RADX: variants seen among roughly 807,000 people sequenced by gnomAD.
RADX encodes RPA-related protein RADX.
A neutral mutation model predicts 61.6 loss-of-function variants in RADX; 36 were observed. The observed-to-expected ratio is 0.58, with a 90% CI of 0.45 to 0.77. The LOEUF is 0.77. RADX is among the 30% of genes least tolerant of loss of function. RADX has a pLI of 0.00. For missense variants in RADX, 497 were observed against 651.1 expected (o/e 0.76, Z 2.58); for synonymous variants, 272 against 237.9 (o/e 1.14, Z -1.32).
At chrX:106,644,224 ATTAT>A (rs1486625181) in intron 10 of RADX, among the ~76,000 whole-genome samples, 1 of 111,185 alleles carries the variant, frequency 9.0e-6, no homozygotes, top group African/African-American at 3.3e-5. Flanking sequence ...GCAAACAAGG[ATTAT>A]TTGACTTCTT....
At chrX:106,639,136 G>A (rs1927441276) in intron 8 of RADX, among the ~76,000 whole-genome samples, 1 of 111,656 alleles carries the variant, frequency 9.0e-6, no homozygotes, top group African/African-American at 3.3e-5. Context: ...TTAAAATGCG[G>A]ACCTATCATC....
chrX:106,648,049 A>G (rs1428836759), intron 10 of RADX, among the ~76,000 whole-genome samples: 1 of 111,271 alleles, frequency 9.0e-6, no homozygotes, highest in Non-Finnish European at 1.9e-5. Flanking sequence ...TAAAAATATT[A>G]TCTTCAGTTA....
intron 3 of RADX, among the ~76,000 whole-genome samples, chrX:106,629,176 G>C (rs1481133999): frequency 9.0e-6 from 1 of 111,552 alleles, no homozygotes; most frequent in East Asian, 2.8e-4. Context: ...ATAGCAACAA[G>C]AATTTTTGAT....
intron 10 of RADX, among the ~76,000 whole-genome samples, chrX:106,646,096 C>T (rs183888075): frequency 3.5e-4 from 39 of 110,483 alleles, no homozygotes; most frequent in East Asian, 1.4e-3. Flanking sequence ...GTCTCGAAAT[C>T]GATTTTGTCT....
intron 10 of RADX, among the ~76,000 whole-genome samples, chrX:106,641,228 C>T (rs1191068597): frequency 9.1e-6 from 1 of 110,314 alleles, no homozygotes; most frequent in Non-Finnish European, 1.9e-5. Flanking sequence ...GTTAGGACTT[C>T]ATCATATGAA....
chrX:106,637,152 C>G (rs1032004531), intron 7 of RADX, among the ~76,000 whole-genome samples: 1 of 111,193 alleles, frequency 9.0e-6, no homozygotes, highest in Non-Finnish European at 1.9e-5. Context: ...TAAAGAAAAA[C>G]GTTTCCAAAT....
At chrX:106,617,487 C>T (rs1473941586) in intron 1 of RADX, among the ~76,000 whole-genome samples, 1 of 111,910 alleles carries the variant, frequency 8.9e-6, no homozygotes, top group East Asian at 2.8e-4. Context: ...TGGCTTCTCT[C>T]TATGATGATA....
At chrX:106,613,959 CTATT>C (rs770272510) in intron 1 of RADX, among the ~76,000 whole-genome samples, 3 of 111,740 alleles carry the variant, frequency 2.7e-5, no homozygotes, top group Admixed American at 1.9e-4. Context: ...GTCGTAATAT[CTATT>C]CATTCATTAA....
intron 1 of RADX, among the ~76,000 whole-genome samples, chrX:106,618,718 C>T (rs944245932): frequency 5.3e-4 from 59 of 110,640 alleles, no homozygotes; most frequent in African/African-American, 1.8e-3. Flanking sequence ...TCGGGGGAGC[C>T]TGAGTCCGGG....
At chrX:106,648,407 AT>A in intron 11 of RADX, 21 bp downstream of exon 11, 1 of 1,054,043 alleles carries the variant, frequency 9.5e-7, no homozygotes, top group Non-Finnish European at 1.3e-6. Flanking sequence ...ATTTGTTATT[AT>A]TATTTATGAA....
Position 106,652,983 on chromosome X carries a change from CAAA to C in RADX, c.1978+4613_1978+4615del, listed in dbSNP as rs35694143. Among the ~76,000 whole-genome samples, 252 of 55,058 alleles carry C rather than the reference CAAA, an allele frequency of 4.6e-3. 1 individual carries two copies. Among genetic ancestry groups the C allele is most frequent in the African/African-American group, 0.012 (246 of 20,133 alleles). The allele number at this position is 55,058 out of a possible 115,157, so 47.8% of individuals were successfully genotyped here. On this transcript the variant is annotated intron_variant, in intron 11 of 13. Transcript: ENST00000372548. ...CCTGGGTGACAGAGTGAGATTCTGT[CAAA>C]AAAAAAAAAAAAAAACCTGTAAACT...
chrX:106,663,124 T>C (rs1928144902), intron 12 of RADX, among the ~76,000 whole-genome samples: 1 of 111,794 alleles, frequency 8.9e-6, no homozygotes, highest in African/African-American at 3.2e-5. Context: ...GACCGAATAA[T>C]GTAGTTCATG....
Position 106,670,435 on chromosome X carries a change from T to C in RADX, c.2437+1105T>C, listed in dbSNP as rs1208954771. On this transcript the variant is annotated intron_variant, in intron 13 of 13. Coordinates refer to ENST00000372548, the MANE Select transcript of RADX (RefSeq NM_018015.6). ...AGTTCAGTGTTCTCAGCTAATTGTT[T>C]AGTGCTAGTGCCAGTATTCTTCCAG... 2.7e-5 allele frequency among the ~76,000 whole-genome samples: 3 copies of C among 110,442 alleles called. No individual in the cohort carries two copies. In the East Asian group the frequency reaches 8.5e-4, roughly 31 times the overall value.
chrX:106,655,176 C>A (rs1927905680), intron 11 of RADX, among the ~76,000 whole-genome samples: 1 of 111,055 alleles, frequency 9.0e-6, no homozygotes, highest in South Asian at 3.8e-4. Context: ...AATGTACATA[C>A]CTGAATTTAA....
chrX:106,661,836 G>A (rs779542616), intron 11 of RADX, among the ~76,000 whole-genome samples, 179 bp from the exon 12 acceptor site: 1 of 111,636 alleles, frequency 9.0e-6, no homozygotes, highest in African/African-American at 3.2e-5. Context: ...AGTGAATTTA[G>A]TTCCTCACTT....
rs1926707207 is a variant in RADX at position 106,612,644 on chromosome X, C to T, written c.564C>T (p.Tyr188=). The T allele has an allele frequency of 8.3e-7, 1 of 1,208,469 alleles. No individual in the cohort carries two copies. Among genetic ancestry groups the T allele is most frequent in the Non-Finnish European group, 1.1e-6 (1 of 894,564 alleles). ...ERPLRGGKSH[Y]LALWNNEDPY... is the part of the protein sequence containing the mutation. ...CTTTAAGAGGCGGGAAGAGTCATTA[C>T]CTGGCGCTGTGGAATAACGAAGATC... is the stretch of plus-strand genomic sequence containing the variant. The change falls in exon 1 of 14, where the codon TAC becomes TAT. Residue 188 remains tyrosine (Y), a synonymous_variant. Coordinates refer to ENST00000372548, the MANE Select transcript of RADX (RefSeq NM_018015.6).
chrX:106,612,799 T>G (rs1330605312), intron 1 of RADX, 76 bp downstream of exon 1: 2 of 1,019,405 alleles, frequency 2.0e-6, no homozygotes, highest in Middle Eastern at 3.1e-4. Context: ...GGAAAGGAAA[T>G]GAAAATGCTT....
chrX:106,666,004 A>G (rs892569185), intron 12 of RADX, among the ~76,000 whole-genome samples: 1 of 111,359 alleles, frequency 9.0e-6, no homozygotes, highest in African/African-American at 3.3e-5. Flanking sequence ...ATAGATTATA[A>G]CCATTAAAAC....
intron 10 of RADX, 58 bp downstream of exon 10, chrX:106,640,779 C>A (rs1927493362): frequency 6.1e-6 from 5 of 821,877 alleles, no homozygotes; most frequent in Non-Finnish European, 3.3e-6. Flanking sequence ...GTTATCTCTA[C>A]CCTGTAAAAT....
Sources: gnomAD v4.1 joint callset for allele counts (sites outside exome capture counted in the v4.1 genomes callset) on GRCh38, gnomAD v4.1.1 for gene constraint, MANE v1.5 for transcripts, NCBI Gene and HGNC (gene_info 2026-07-23, HGNC 2026-07-21) for gene names.